The following SGCZ variants were observed in gnomAD, a reference collection of about 807,000 sequenced individuals.
The protein encoded by SGCZ is sarcoglycan zeta, also known as zeta-sarcoglycan.
In SGCZ, 40 loss-of-function variants were observed where a neutral mutation model predicts 41.3. That is an observed-to-expected ratio of 0.97 (90% CI 0.75 to 1.26). SGCZ has a LOEUF of 1.26. Among genes scored for constraint, SGCZ ranks in the 50% most tolerant of loss-of-function variants. The pLI, the probability that SGCZ is intolerant of heterozygous loss-of-function variation, is 0.00. For missense variants in SGCZ, 552 were observed against 369.8 expected (o/e 1.49, Z -4.04); for synonymous variants, 206 against 137.5 (o/e 1.50, Z -3.49).
chr8:14,169,712 T>C (rs1181158157), intron 4 of SGCZ, among the ~76,000 whole-genome samples: 6 of 152,184 alleles, frequency 3.9e-5, no homozygotes, highest in Admixed American at 2.6e-4. Context: ...ACCAAAGCAA[T>C]TGATTCAAGC....
chr8:14,601,455 T>G (rs1805586790), intron 1 of SGCZ, among the ~76,000 whole-genome samples: 1 of 152,160 alleles, frequency 6.6e-6, no homozygotes. Flanking sequence ...TTGGTTCCTT[T>G]TTTTTCAAAA....
chr8:14,180,702 T>A (rs553124984), intron 4 of SGCZ, among the ~76,000 whole-genome samples: 1 of 152,104 alleles, frequency 6.6e-6, no homozygotes, highest in African/African-American at 2.4e-5. Context: ...CTATGAAGGT[T>A]TGTCATGGCC....
At chr8:14,344,393 A>G (rs2117087202) in intron 2 of SGCZ, among the ~76,000 whole-genome samples, 1 of 152,250 alleles carries the variant, frequency 6.6e-6, no homozygotes, top group South Asian at 2.1e-4. Context: ...CAAATCAAAA[A>G]GAAAGACAAT....
intron 1 of SGCZ, among the ~76,000 whole-genome samples, chr8:14,761,675 G>A (rs910241013): frequency 1.5e-4 from 23 of 151,682 alleles, no homozygotes; most frequent in African/African-American, 5.3e-4. Flanking sequence ...ACCGGTATGC[G>A]CCGCCACACC....
At chr8:14,833,108 C>T (rs778707538) in intron 1 of SGCZ, among the ~76,000 whole-genome samples, 3 of 151,780 alleles carry the variant, frequency 2.0e-5, no homozygotes, top group Middle Eastern at 3.2e-3. Flanking sequence ...GTAAATGTAG[C>T]CTATTTATGA....
chr8:14,567,024 C>A (rs978511589), intron 1 of SGCZ, among the ~76,000 whole-genome samples: 1 of 152,210 alleles, frequency 6.6e-6, no homozygotes, highest in African/African-American at 2.4e-5. Context: ...CCCAGCAGTG[C>A]CGGCTCCCCG....
At chr8:15,154,569 A>G (rs1377399182) in intron 1 of SGCZ, among the ~76,000 whole-genome samples, 1 of 152,232 alleles carries the variant, frequency 6.6e-6, no homozygotes, top group Non-Finnish European at 1.5e-5. Flanking sequence ...TAAACAGTAC[A>G]ATATATCATA....
intron 1 of SGCZ, among the ~76,000 whole-genome samples, chr8:14,708,890 C>G (rs1186485557): frequency 6.6e-6 from 1 of 151,008 alleles, no homozygotes; most frequent in African/African-American, 2.4e-5. Context: ...CATTCAAATT[C>G]TTGCTACTTG....
intron 1 of SGCZ, among the ~76,000 whole-genome samples, chr8:14,602,515 T>C (rs959514860): frequency 6.6e-6 from 1 of 152,008 alleles, no homozygotes; most frequent in Non-Finnish European, 1.5e-5. Flanking sequence ...TGAGATCCTC[T>C]CTCTAGTGAA....
chr8:14,339,097 GTTTT>G (rs35194564), intron 2 of SGCZ, among the ~76,000 whole-genome samples: 2 of 151,444 alleles, frequency 1.3e-5, no homozygotes, highest in Non-Finnish European at 2.9e-5. Context: ...AACATATTAT[GTTTT>G]TTTTTCTCCA....
At chr8:14,496,826 G>A (rs987433522) in intron 2 of SGCZ, among the ~76,000 whole-genome samples, 1 of 152,096 alleles carries the variant, frequency 6.6e-6, no homozygotes, top group Non-Finnish European at 1.5e-5. Flanking sequence ...GTCTGTGTGT[G>A]TATAAACAAG....
chr8:14,912,112 C>T (rs1799296278), intron 1 of SGCZ, among the ~76,000 whole-genome samples: 1 of 151,850 alleles, frequency 6.6e-6, no homozygotes, highest in African/African-American at 2.4e-5. Context: ...GCACCAACAC[C>T]CAATAAAATG....
chr8:15,018,735 T>C, intron 1 of SGCZ, among the ~76,000 whole-genome samples: 1 of 152,116 alleles, frequency 6.6e-6, no homozygotes, highest in Non-Finnish European at 1.5e-5. Flanking sequence ...TAGAAAGGGA[T>C]GTTGTAGTAG....
At chr8:14,999,776 C>T (rs940108331) in intron 1 of SGCZ, among the ~76,000 whole-genome samples, 12 of 152,190 alleles carry the variant, frequency 7.9e-5, no homozygotes, top group African/African-American at 2.7e-4. Flanking sequence ...GGCCAACTCC[C>T]ATGCACCATG....
At chr8:14,659,297 C>CG (rs1252079453) in intron 1 of SGCZ, among the ~76,000 whole-genome samples, 6 of 152,002 alleles carry the variant, frequency 3.9e-5, no homozygotes, top group Non-Finnish European at 8.8e-5. Flanking sequence ...GTGATTAACC[C>CG]GATTTGATCA....
chr8:14,224,604 T>C (rs1025246020), intron 4 of SGCZ, among the ~76,000 whole-genome samples: 1 of 152,174 alleles, frequency 6.6e-6, no homozygotes, highest in Non-Finnish European at 1.5e-5. Flanking sequence ...CTTTATTACG[T>C]TGGCTACGCA....
At chr8:14,634,183 A>C (rs1806751600) in intron 1 of SGCZ, among the ~76,000 whole-genome samples, 2 of 151,990 alleles carry the variant, frequency 1.3e-5, no homozygotes, top group South Asian at 4.1e-4. Context: ...CTCCACTTCC[A>C]ATTTTTATCA....
intron 3 of SGCZ, among the ~76,000 whole-genome samples, chr8:14,249,588 C>T (rs760400389): frequency 8.5e-4 from 129 of 152,212 alleles, no homozygotes; most frequent in Admixed American, 2.2e-3. Context: ...TACTTTGAAG[C>T]ATTTTGTTAA....
chr8:14,396,635 CA>C (rs1244843101), intron 2 of SGCZ, among the ~76,000 whole-genome samples: 1 of 152,030 alleles, frequency 6.6e-6, no homozygotes, highest in African/African-American at 2.4e-5. Flanking sequence ...TGCATCTAGA[CA>C]ACCTGGTAGC....
Sources: allele counts gnomAD v4.1 joint callset (sites outside exome capture counted in the v4.1 genomes callset), GRCh38; gene constraint gnomAD v4.1.1; transcripts MANE v1.5; gene names NCBI Gene and HGNC (gene_info 2026-07-23, HGNC 2026-07-21).